The following CDK8 variants were observed in gnomAD, a reference collection of about 807,000 sequenced individuals.
CDK8 encodes the protein cyclin dependent kinase 8, also known as cyclin-dependent kinase 8.
Under a neutral mutation model 71.5 loss-of-function variants are expected in CDK8, and 29 were observed. The observed-to-expected ratio is 0.41, with a 90% confidence interval of 0.30 to 0.55. CDK8 has a LOEUF of 0.55. Among genes scored for constraint, CDK8 ranks in the 20% least tolerant of loss-of-function variants. CDK8 has a pLI of 0.37. For synonymous variants in CDK8, 161 were observed against 192.1 expected (o/e 0.84, Z 1.34); for missense variants, 288 against 572.6 (o/e 0.50, Z 5.07).
intron 1 of CDK8, among the ~76,000 whole-genome samples, chr13:26,318,456 G>A (rs946478012): frequency 5.9e-5 from 9 of 151,986 alleles, no homozygotes; most frequent in African/African-American, 1.9e-4. Context: ...GCATTACCCC[G>A]GTACCAAAGC....
At chr13:26,389,463 A>G (rs77740367) in intron 6 of CDK8, among the ~76,000 whole-genome samples, 6,393 of 151,946 alleles carry the variant, frequency 0.042, 432 homozygotes, top group African/African-American at 0.14. Flanking sequence ...CCCAGCCAAA[A>G]AGTTTTAAGC....
intron 2 of CDK8, among the ~76,000 whole-genome samples, chr13:26,348,288 T>G (rs1873542942): frequency 6.6e-6 from 1 of 152,124 alleles, no homozygotes; most frequent in South Asian, 2.1e-4. Context: ...GCGGTGGGAT[T>G]ATTGTGTAAC....
chr13:26,352,317 G>A (rs377253403), intron 3 of CDK8, among the ~76,000 whole-genome samples: 178 of 152,138 alleles, frequency 1.2e-3, no homozygotes, highest in African/African-American at 4.0e-3. Context: ...CCAGGTTCAC[G>A]CCATTCTCCT....
chr13:26,369,891 T>C (rs1038342576), intron 4 of CDK8, among the ~76,000 whole-genome samples: 1 of 152,034 alleles, frequency 6.6e-6, no homozygotes, highest in African/African-American at 2.4e-5. Context: ...TCAATTTCTT[T>C]AGTAATTGTT....
At chr13:26,271,216 T>C (rs1218804027) in intron 1 of CDK8, among the ~76,000 whole-genome samples, 1 of 152,182 alleles carries the variant, frequency 6.6e-6, no homozygotes, top group African/African-American at 2.4e-5. Flanking sequence ...TGAACCCTTA[T>C]CAGATATATG....
chr13:26,321,157 C>G (rs570182573), intron 1 of CDK8, among the ~76,000 whole-genome samples: 1 of 152,084 alleles, frequency 6.6e-6, no homozygotes, highest in African/African-American at 2.4e-5. Flanking sequence ...TAAGTGCCCA[C>G]TGAAGGATGA....
At chr13:26,351,021 G>C (rs1046574605) in intron 3 of CDK8, among the ~76,000 whole-genome samples, 1 of 151,746 alleles carries the variant, frequency 6.6e-6, no homozygotes, top group African/African-American at 2.4e-5. Context: ...ATCTATAATA[G>C]GATAGCCAAA....
chr13:26,374,346 T>G (rs192071719), intron 4 of CDK8, among the ~76,000 whole-genome samples: 9 of 152,306 alleles, frequency 5.9e-5, no homozygotes, highest in Admixed American at 2.6e-4. Flanking sequence ...TTGTTATTAT[T>G]ACTTGTATAT....
intron 4 of CDK8, among the ~76,000 whole-genome samples, chr13:26,369,154 A>G (rs1356288230): frequency 1.3e-5 from 2 of 151,978 alleles, no homozygotes; most frequent in Non-Finnish European, 2.9e-5. Context: ...AAAGTCAGCC[A>G]GGGGCGGCAG....
chr13:26,337,755 A>G (rs1873054864), intron 2 of CDK8, 113 bp downstream of exon 2: 14 of 405,422 alleles, frequency 3.5e-5, no homozygotes. Context: ...ATATTTTTAT[A>G]TCAACTATAT....
chr13:26,403,545 A>G (rs1180373885), intron 12 of CDK8, among the ~76,000 whole-genome samples: 1 of 152,118 alleles, frequency 6.6e-6, no homozygotes, highest in Non-Finnish European at 1.5e-5. Flanking sequence ...ACTCACTTTT[A>G]CTCTTCAGTC....
At chr13:26,306,372 A>G (rs1874040544) in intron 1 of CDK8, among the ~76,000 whole-genome samples, 2 of 152,154 alleles carry the variant, frequency 1.3e-5, no homozygotes, top group South Asian at 4.1e-4. Flanking sequence ...TTTGACTATC[A>G]TTAAATTCTG....
chr13:26,274,953 A>T (rs1243154865), intron 1 of CDK8, among the ~76,000 whole-genome samples: 1 of 152,200 alleles, frequency 6.6e-6, no homozygotes, highest in Non-Finnish European at 1.5e-5. Flanking sequence ...ATTACAGTTA[A>T]AATTTTATTT....
intron 5 of CDK8, among the ~76,000 whole-genome samples, chr13:26,384,683 A>G (rs1406828345): frequency 6.6e-6 from 1 of 152,090 alleles, no homozygotes; most frequent in African/African-American, 2.4e-5. Flanking sequence ...TTAAAGTCTT[A>G]CCTAGCTTTT....
intron 1 of CDK8, among the ~76,000 whole-genome samples, chr13:26,323,348 AGAG>A (rs1565972597): frequency 6.9e-6 from 1 of 144,030 alleles, no homozygotes; most frequent in Non-Finnish European, 1.5e-5. Flanking sequence ...AGGGAGAGGG[AGAG>A]GGAGAGGGAG....
chr13:26,396,334 G>T lies in CDK8; in HGVS notation c.840G>T (p.Met280Ile). Residue 280 changes from methionine to isoleucine, a missense_variant, in exon 8 of 13, where the codon ATG (methionine) becomes ATT (isoleucine). Physicochemically the swap from Met to Ile is conservative, Grantham distance 10. This residue lies in a region of CDK8 where 96 missense variants were observed against 229.8 expected (regional missense o/e 0.42). Transcript: ENST00000381527. ...AGATGCCTGAACATTCAACATTAAT[G>T]AAAGATTTCAGAAGAAATACGTAAG... is the stretch of plus-strand genomic sequence containing the variant. ...IKKMPEHSTL[M>I]KDFRRNTYTN... The T allele has an allele frequency of 6.8e-7, 1 of 1,463,686 alleles. No individual in the cohort carries two copies. Among genetic ancestry groups the T allele is most frequent in the East Asian group, 2.4e-5 (1 of 42,118 alleles). The allele number at this position is 1,463,686 out of a possible 1,614,324, so 90.7% of individuals were successfully genotyped here.
chr13:26,370,289 A>G (rs946532876), intron 4 of CDK8, among the ~76,000 whole-genome samples: 11 of 152,218 alleles, frequency 7.2e-5, no homozygotes, highest in Non-Finnish European at 1.5e-4. Context: ...ATCCGGGTGA[A>G]CTTAAGGTCT....
intron 12 of CDK8, among the ~76,000 whole-genome samples, chr13:26,402,185 A>G (rs1399342113): frequency 6.6e-6 from 1 of 152,218 alleles, no homozygotes; most frequent in Admixed American, 6.5e-5. Flanking sequence ...TAAGTGTTGC[A>G]GCCATTTCAG....
chr13:26,377,535 T>C (rs1875012287), intron 4 of CDK8, among the ~76,000 whole-genome samples: 1 of 151,924 alleles, frequency 6.6e-6, no homozygotes, highest in Non-Finnish European at 1.5e-5. Context: ...AATTCTATGC[T>C]TTTTTTTCAA....
Sources: allele counts gnomAD v4.1 joint callset (sites outside exome capture counted in the v4.1 genomes callset), GRCh38; gene constraint gnomAD v4.1.1; regional missense constraint gnomAD v4.1.1; transcripts MANE v1.5; gene names NCBI Gene and HGNC (gene_info 2026-07-23, HGNC 2026-07-21).